Variants in GALNT13 observed in about 807,000 individuals in gnomAD.
GALNT13 encodes UDP-GalNAc:polypeptide N-acetylgalactosaminyltransferase 13.
In GALNT13, 28 loss-of-function variants were observed where a neutral mutation model predicts 64.2. The observed-to-expected ratio is 0.44, with a 90% CI of 0.32 to 0.60. GALNT13 has a LOEUF of 0.60. GALNT13 is among the 20% of genes least tolerant of loss of function. The probability of loss-of-function intolerance (pLI) is 0.05; values close to 1 mark genes in which losing one functional copy is unlikely to be tolerated. For synonymous variants in GALNT13, 214 were observed against 224.6 expected (o/e 0.95, Z 0.42); for missense variants, 577 against 669.8 (o/e 0.86, Z 1.53).
chr2:153,438,235 C>T, the GALNT13 span, among the ~76,000 whole-genome samples: 2 of 152,178 alleles, frequency 1.3e-5, no homozygotes, highest in Admixed American at 6.5e-5. Flanking sequence ...GTAACCTGAC[C>T]TTTCTCTCTG....
the GALNT13 span, among the ~76,000 whole-genome samples, chr2:153,512,008 C>G: frequency 6.6e-6 from 1 of 152,106 alleles, no homozygotes; most frequent in East Asian, 1.9e-4. Flanking sequence ...TGGTAATCTG[C>G]GTATGTATGA....
chr2:153,672,318 C>A, the GALNT13 span, among the ~76,000 whole-genome samples: 1 of 152,154 alleles, frequency 6.6e-6, no homozygotes, highest in Non-Finnish European at 1.5e-5. Context: ...CACTCCTCAG[C>A]AAATGTAAAA....
At chr2:153,881,647 A>T (rs1485327333) in intron 1 of GALNT13, among the ~76,000 whole-genome samples, 1 of 152,212 alleles carries the variant, frequency 6.6e-6, no homozygotes, top group Non-Finnish European at 1.5e-5. Context: ...ACATGTATAC[A>T]TCATTTCCAT....
the GALNT13 span, among the ~76,000 whole-genome samples, chr2:153,611,201 T>C: frequency 2.0e-5 from 3 of 152,188 alleles, no homozygotes; most frequent in South Asian, 4.1e-4. Flanking sequence ...AGTTAATATA[T>C]GTAATAAAAG....
chr2:153,903,228 A>G (rs1344121453), intron 2 of GALNT13, among the ~76,000 whole-genome samples: 1 of 152,054 alleles, frequency 6.6e-6, no homozygotes, highest in East Asian at 1.9e-4. Context: ...AGAACTTAAA[A>G]ATGAAACAAG....
the GALNT13 span, among the ~76,000 whole-genome samples, chr2:153,748,661 T>C: frequency 0.85 from 128,670 of 151,988 alleles, 55,328 homozygotes; most frequent in Non-Finnish European, 0.89. Flanking sequence ...TCCTTATATA[T>C]TCTGGTTGTT....
intron 8 of GALNT13, among the ~76,000 whole-genome samples, chr2:154,267,588 C>T (rs1691086241): frequency 6.6e-6 from 1 of 151,934 alleles, no homozygotes; most frequent in Admixed American, 6.6e-5. Context: ...TGCAGTGAGC[C>T]GAGATAGTGC....
the GALNT13 span, among the ~76,000 whole-genome samples, chr2:153,640,516 T>C: frequency 2.6e-5 from 4 of 152,116 alleles, no homozygotes; most frequent in Admixed American, 2.6e-4. Context: ...TGGTGGCTCA[T>C]ACCTGTAATC....
chr2:153,770,566 TC>T, the GALNT13 span, among the ~76,000 whole-genome samples: 4 of 152,230 alleles, frequency 2.6e-5, no homozygotes. Context: ...TGGGTGGTGC[TC>T]ATGGGTAAGA....
the GALNT13 span, among the ~76,000 whole-genome samples, chr2:153,794,421 A>G: frequency 6.6e-6 from 1 of 152,286 alleles, no homozygotes; most frequent in East Asian, 1.9e-4. Context: ...AGAAAATTTC[A>G]TACAGCAACC....
the GALNT13 span, among the ~76,000 whole-genome samples, chr2:153,625,842 C>T: frequency 6.6e-6 from 1 of 151,904 alleles, no homozygotes; most frequent in South Asian, 2.1e-4. Context: ...GCTGGTCAGA[C>T]CCATATCAGC....
At chr2:154,340,882 TGTTCTTTGTGTG>T in intron 9 of GALNT13, among the ~76,000 whole-genome samples, 1 of 117,888 alleles carries the variant, frequency 8.5e-6, no homozygotes, top group Non-Finnish European at 1.8e-5. Context: ...CAGATATCTT[TGTTCTTTGTGTG>T]TATGAGTGTG....
the GALNT13 span, among the ~76,000 whole-genome samples, chr2:153,660,218 T>C: frequency 6.6e-6 from 1 of 152,228 alleles, no homozygotes; most frequent in East Asian, 1.9e-4. Context: ...GAGGAAATGA[T>C]ATTTGATCAG....
intron 7 of GALNT13, among the ~76,000 whole-genome samples, chr2:154,257,269 CAT>C (rs972628650): frequency 1.4e-4 from 22 of 152,200 alleles, no homozygotes; most frequent in African/African-American, 5.3e-4. Flanking sequence ...AAATTCAATA[CAT>C]GTTATTTAAA....
At chr2:154,436,703 C>A (rs564559438) in intron 11 of GALNT13, 1 of 152,046 alleles carries the variant, frequency 6.6e-6, no homozygotes, top group African/African-American at 2.4e-5. Context: ...TTATTTTATT[C>A]TTCTTAGGTG....
At chr2:153,924,192 C>T (rs766913375) in intron 2 of GALNT13, among the ~76,000 whole-genome samples, 3 of 151,976 alleles carry the variant, frequency 2.0e-5, no homozygotes, top group Non-Finnish European at 4.4e-5. Flanking sequence ...AGCTATTCTT[C>T]CTGATGCACT....
At chr2:153,775,918 C>T in the GALNT13 span, among the ~76,000 whole-genome samples, 1 of 152,024 alleles carries the variant, frequency 6.6e-6, no homozygotes, top group African/African-American at 2.4e-5. Context: ...CTGCTTTCTA[C>T]TTGTATCTTT....
chr2:153,265,620 T>C, the GALNT13 span, among the ~76,000 whole-genome samples: 1 of 152,222 alleles, frequency 6.6e-6, no homozygotes, highest in Non-Finnish European at 1.5e-5. Context: ...CTTTAATATG[T>C]TAAAACCAGG....
At chr2:153,105,632 T>G in the GALNT13 span, among the ~76,000 whole-genome samples, 1 of 152,204 alleles carries the variant, frequency 6.6e-6, no homozygotes, top group Non-Finnish European at 1.5e-5. Context: ...CCCCATCATC[T>G]CAGCCCAAAA....
Sources: gnomAD v4.1 joint callset for allele counts (sites outside exome capture counted in the v4.1 genomes callset) on GRCh38, gnomAD v4.1.1 for gene constraint, MANE v1.5 for transcripts, NCBI Gene and HGNC (gene_info 2026-07-23, HGNC 2026-07-21) for gene names.